Variants in VEPH1 observed in about 807,000 individuals in gnomAD.
VEPH1 encodes ventricular zone-expressed PH domain-containing protein homolog 1.
VEPH1 carries 80 observed loss-of-function variants against 85.2 expected under a neutral mutation model. The observed-to-expected ratio is 0.94, with a 90% CI of 0.78 to 1.13. The LOEUF is 1.13. Ranked by LOEUF, VEPH1 falls within the 50% of genes most tolerant of loss-of-function variation. VEPH1 has a pLI of 0.00. For missense variants in VEPH1, 955 were observed against 980.5 expected, an observed-to-expected ratio of 0.97 and a Z score of 0.35; for synonymous variants, 297 against 348.0, an observed-to-expected ratio of 0.85 and a Z score of 1.63.
intron 3 of VEPH1, among the ~76,000 whole-genome samples, chr3:157,463,030 A>G (rs1380544039): frequency 6.6e-6 from 1 of 152,224 alleles, no homozygotes; most frequent in African/African-American, 2.4e-5. Context: ...AAACTGTATG[A>G]GACTCAAGGA....
intron 12 of VEPH1, among the ~76,000 whole-genome samples, chr3:157,273,958 T>C (rs1004204468): frequency 2.6e-5 from 4 of 152,302 alleles, no homozygotes; most frequent in African/African-American, 9.6e-5. Context: ...AGGCCTATGG[T>C]TTATGTGGTA....
Position 157,489,333 on chromosome 3 carries a change from A to G in VEPH1, c.138+5879T>C, listed in dbSNP as rs1738995143. 1.1e-5 allele frequency: 4 copies of G among 373,042 alleles called. No individual in the cohort carries two copies. In the Admixed American group the frequency reaches 1.3e-4, roughly 12 times the overall value. 23.1% of individuals were successfully genotyped at this position (373,042 alleles called of 1,614,324 possible). On this transcript the variant is annotated intron_variant, in intron 2 of 13. Coordinates refer to ENST00000362010, the MANE Select transcript of VEPH1 (RefSeq NM_001167912.2). Reference sequence around the variant, plus strand: ...CCGACCTCAGAAACTCCAGCCTACAACCTCAGGACTTTTGTACTTAATGGT... The same window carrying G: ...CCGACCTCAGAAACTCCAGCCTACAGCCTCAGGACTTTTGTACTTAATGGT...
intron 1 of VEPH1, among the ~76,000 whole-genome samples, chr3:157,496,852 G>A (rs1739706346): frequency 6.6e-6 from 1 of 152,124 alleles, no homozygotes; most frequent in Non-Finnish European, 1.5e-5. Context: ...GGGATTTTAA[G>A]GAAAATACTC....
intron 6 of VEPH1, among the ~76,000 whole-genome samples, chr3:157,396,082 T>C (rs12638732): frequency 0.67 from 101,844 of 152,070 alleles, 34,447 homozygotes; most frequent in East Asian, 0.79. Context: ...TGATGCTCTC[T>C]CTTGCCCCAT....
Position 157,340,774 on chromosome 3 carries a change from C to A in VEPH1, c.1735+22590G>T, listed in dbSNP as rs555189061. Among the ~76,000 whole-genome samples, 103 of 152,320 alleles carry A rather than the reference C, an allele frequency of 6.8e-4. 1 individual carries two copies. The South Asian group carries it at 0.02, about 30-fold the overall frequency. On this transcript the variant is annotated intron_variant, in intron 9 of 13. Coordinates refer to ENST00000362010, the MANE Select transcript of VEPH1 (RefSeq NM_001167912.2). ...AGTAGCCTAACTGGAAGGCACCCCC[C>A]AGTAGGGGCAGACTGACAGCTCACA...
At position 157,315,636 on chromosome 3, in the gene VEPH1, A is replaced by T. The variant is rs78045715; in HGVS notation, c.1875+1426T>A. 1.9e-4 allele frequency among the ~76,000 whole-genome samples: 29 copies of T among 152,184 alleles called. No homozygotes were observed. In the East Asian group the frequency reaches 5.0e-3, roughly 26 times the overall value. ...TTCAGGCAGAAAATGACACAATATC[A>T]TAAGTGTGGAAAAAGAAAGAAACCA... On this transcript the variant is annotated intron_variant, in intron 10 of 13. Transcript: ENST00000362010.
chr3:157,403,991 TGC>T (rs1473929161), intron 6 of VEPH1, among the ~76,000 whole-genome samples: 1 of 152,170 alleles, frequency 6.6e-6, no homozygotes, highest in Non-Finnish European at 1.5e-5. Context: ...CACTCAATGC[TGC>T]TGGTCCGGAC....
intron 2 of VEPH1, among the ~76,000 whole-genome samples, chr3:157,486,326 T>G (rs1386466701): frequency 2.6e-5 from 4 of 151,922 alleles, no homozygotes; most frequent in Admixed American, 6.6e-5. Flanking sequence ...TGAAACCCCG[T>G]CTATACTGAA....
intron 13 of VEPH1, among the ~76,000 whole-genome samples, chr3:157,264,947 A>G (rs914102656): frequency 6.6e-6 from 1 of 152,218 alleles, no homozygotes; most frequent in Admixed American, 6.5e-5. Flanking sequence ...AAAATTCACA[A>G]TACAAATAAT....
At chr3:157,431,217 T>G (rs1360363675) in intron 4 of VEPH1, among the ~76,000 whole-genome samples, 1 of 152,202 alleles carries the variant, frequency 6.6e-6, no homozygotes, top group African/African-American at 2.4e-5. Context: ...GTTTCCCCTT[T>G]GCTTTCCGCC....
intron 11 of VEPH1, among the ~76,000 whole-genome samples, chr3:157,304,038 T>TATACACACACACAC: frequency 5.3e-4 from 51 of 96,580 alleles, no homozygotes; most frequent in East Asian, 7.4e-4. Context: ...TATATATATA[T>TATACACACACACAC]ACACACATAC....
At chr3:157,493,404 C>A in intron 2 of VEPH1, 1 of 390,260 alleles carries the variant, frequency 2.6e-6, no homozygotes, top group South Asian at 1.9e-5. Context: ...ACGCAGCTAA[C>A]AGGGATGTAA....
intron 11 of VEPH1, among the ~76,000 whole-genome samples, chr3:157,299,993 G>T (rs1718602222): frequency 6.6e-6 from 1 of 152,150 alleles, no homozygotes; most frequent in Admixed American, 6.5e-5. Context: ...TCTGCACTTT[G>T]CAGGTAAAGA....
intron 11 of VEPH1, among the ~76,000 whole-genome samples, chr3:157,299,786 T>C (rs1171813956): frequency 6.6e-6 from 1 of 152,100 alleles, no homozygotes; most frequent in Non-Finnish European, 1.5e-5. Flanking sequence ...TTTATTTACA[T>C]TTGTGAAAGA....
At chr3:157,389,678 G>C (rs1439198104) in intron 6 of VEPH1, among the ~76,000 whole-genome samples, 1 of 150,256 alleles carries the variant, frequency 6.7e-6, no homozygotes, top group East Asian at 2.0e-4. Flanking sequence ...TAGATAGATA[G>C]ATAGATAGAT....
At chr3:157,399,166 C>T (rs1330673317) in intron 6 of VEPH1, among the ~76,000 whole-genome samples, 1 of 151,910 alleles carries the variant, frequency 6.6e-6, no homozygotes, top group Non-Finnish European at 1.5e-5. Flanking sequence ...GCTATATAGC[C>T]CTTTAATTTT....
chr3:157,420,650 C>A (rs1461297794), intron 5 of VEPH1, among the ~76,000 whole-genome samples: 1 of 152,156 alleles, frequency 6.6e-6, no homozygotes, highest in Non-Finnish European at 1.5e-5. Flanking sequence ...TAAATGAATA[C>A]CAAAAGTGAC....
At chr3:157,443,977 A>G (rs1268566103) in intron 4 of VEPH1, among the ~76,000 whole-genome samples, 1 of 152,236 alleles carries the variant, frequency 6.6e-6, no homozygotes, top group African/African-American at 2.4e-5. Context: ...GCTGCAAGAC[A>G]TGGCTTAGGA....
chr3:157,366,994 G>C (rs1025077487), intron 7 of VEPH1, among the ~76,000 whole-genome samples: 5 of 152,146 alleles, frequency 3.3e-5, no homozygotes, highest in African/African-American at 1.2e-4. Context: ...TCAGTGGTCA[G>C]AATTCACCTG....
Sources: allele counts gnomAD v4.1 joint callset (sites outside exome capture counted in the v4.1 genomes callset), GRCh38; gene constraint gnomAD v4.1.1; transcripts MANE v1.5; gene names NCBI Gene and HGNC (gene_info 2026-07-23, HGNC 2026-07-21).